Variants in NIT1 observed in about 807,000 individuals in gnomAD.
NIT1 encodes the protein nitrilase 1.
Under a neutral mutation model 36.8 loss-of-function variants are expected in NIT1, and 30 were observed. The observed-to-expected ratio is 0.82, with a 90% confidence interval of 0.61 to 1.11. The LOEUF (loss-of-function observed/expected upper bound fraction) is 1.11. Ranked by LOEUF, NIT1 falls within the 50% of genes least tolerant of loss-of-function variation. The pLI, the probability that NIT1 is intolerant of heterozygous loss-of-function variation, is 0.00. For missense variants in NIT1, 438 were observed against 410.6 expected (o/e 1.07, Z -0.58); for synonymous variants, 151 against 155.6 (o/e 0.97, Z 0.22).
At chr1:161,123,272 T>A (rs766710268), downstream of NIT1, 1 of 1,519,798 alleles carries the variant, frequency 6.6e-7, no homozygotes, top group Admixed American at 1.7e-5. Context: ...AGGCAGAAAT[T>A]CAAACACTTC....
chr1:161,119,379 A>G lies in NIT1; in HGVS notation c.344A>G (p.Gln115Arg), dbSNP rs753514511. 6.2e-7 allele frequency: 1 copy of G among 1,613,862 alleles called. No individual in the cohort carries two copies. Among genetic ancestry groups the G allele is most frequent in the Admixed American group, 1.7e-5 (1 of 60,024 alleles). Residue 115 changes from glutamine (Q) to arginine (R), a missense_variant, in exon 3 of 7, where the codon CAG (glutamine) becomes CGG (arginine). Physicochemically the swap from Gln to Arg is conservative, Grantham distance 43. Transcript: ENST00000368009. ...LGGKLLEEYT[Q>R]LARECGLWLS... ...GGGAAACTTTTGGAAGAATACACCC[A>G]GCTTGCCAGGTATCAGGGAAATAGC...
downstream of NIT1, chr1:161,124,470 G>T (rs1238739809): frequency 6.3e-7 from 1 of 1,593,420 alleles, no homozygotes; most frequent in African/African-American, 1.3e-5. Context: ...CATGCTGGGG[G>T]CTCAGGTACG....
At chr1:161,123,996 G>T (rs1467889410), downstream of NIT1, 2 of 1,600,922 alleles carry the variant, frequency 1.2e-6, no homozygotes, top group South Asian at 2.3e-5. Context: ...CTTCCCTTCT[G>T]TCAGTCCAAA....
chr1:161,124,022 A>G, downstream of NIT1: 1 of 1,586,182 alleles, frequency 6.3e-7, no homozygotes, highest in Non-Finnish European at 8.6e-7. Context: ...AGTGGGCCTC[A>G]CAACTTACTC....
Position 161,118,889 on chromosome 1 carries a change from G to C in NIT1, c.98+8G>C, listed in dbSNP as rs755413086. ...ACTTTGTGCTCAGCCCAGGTAACAC[G>C]TTTTGTTGTGTCCTCAGTGCCTGGC... On this transcript the variant is annotated splice_region_variant and intron_variant, in intron 2 of 6. Coordinates refer to ENST00000368009, the MANE Select transcript of NIT1 (RefSeq NM_005600.3). 1.2e-6 allele frequency: 2 copies of C among 1,600,982 alleles called. No individual in the cohort carries two copies. Among genetic ancestry groups the C allele is most frequent in the Admixed American group, 1.7e-5 (1 of 60,004 alleles).
chr1:161,123,697 A>T, downstream of NIT1: 1 of 696,818 alleles, frequency 1.4e-6, no homozygotes, highest in Non-Finnish European at 2.4e-6. Flanking sequence ...GAGAAATGTC[A>T]CCTCGCCTGA....
chr1:161,121,131 T>G lies in NIT1; in HGVS notation c.*366T>G. On this transcript the variant is annotated 3_prime_UTR_variant, in exon 7 of 7. Coordinates refer to ENST00000368009, the MANE Select transcript of NIT1 (RefSeq NM_005600.3). Reference sequence around the variant, plus strand: ...TGGTATTGTACCAGCTGGACTAAGCTCCAGTTCTAGACCTCCTGGCTCATT... The same window carrying G: ...TGGTATTGTACCAGCTGGACTAAGCGCCAGTTCTAGACCTCCTGGCTCATT... The G allele has an allele frequency of 9.1e-7, 1 of 1,097,204 alleles. No individual in the cohort carries two copies. Among genetic ancestry groups the G allele is most frequent in the South Asian group, 2.5e-5 (1 of 40,030 alleles). 68.0% of individuals were successfully genotyped at this position (1,097,204 alleles called of 1,614,324 possible).
chr1:161,119,676 T>A, intron 4 of NIT1, 64 bp downstream of exon 4: 2 of 1,587,212 alleles, frequency 1.3e-6, no homozygotes, highest in Non-Finnish European at 1.7e-6. Context: ...TCTCCAGAAT[T>A]GTTTCTCAAC....
At chr1:161,119,439 C>G (rs1391763243) in intron 3 of NIT1, 51 bp downstream of exon 3, 1 of 1,613,596 alleles carries the variant, frequency 6.2e-7, no homozygotes, top group Non-Finnish European at 8.5e-7. Context: ...GACAGTGTCC[C>G]TGGGTTGCCA....
intron 2 of NIT1, 78 bp from the exon 3 acceptor site, chr1:161,119,056 T>C (rs1336622691): frequency 6.4e-7 from 1 of 1,558,978 alleles, no homozygotes; most frequent in Non-Finnish European, 8.8e-7. Flanking sequence ...CTTTCCTGCC[T>C]CTCCACTTGC....
At chr1:161,124,457 C>G (rs1460444528), downstream of NIT1, 5 of 1,599,896 alleles carry the variant, frequency 3.1e-6, no homozygotes, top group African/African-American at 5.4e-5. Flanking sequence ...GCTTTAGGCC[C>G]GCCATGCTGG....
At position 161,119,333 on chromosome 1, in the gene NIT1, C is replaced by G. The variant is rs764377826; in HGVS notation, c.298C>G (p.His100Asp). ...TGCACGGGACCCTGCAGAGACGCTACACCTGTCTGAACCACTGGGTGGGAA... is the reference window on the plus strand; with the variant it reads ...TGCACGGGACCCTGCAGAGACGCTAGACCTGTCTGAACCACTGGGTGGGAA... ...FIARDPAETL[H>D]LSEPLGGKLL... The change falls in exon 3 of 7, where the codon CAC becomes GAC. Residue 100 changes from histidine to aspartate, a missense_variant. By Grantham distance (81) the His-to-Asp change is moderately conservative (BLOSUM62 -1). Transcript: ENST00000368009. 1.2e-5 allele frequency: 19 copies of G among 1,614,112 alleles called. No homozygotes were observed. The highest frequency in any genetic ancestry group is 1.5e-5 in the Non-Finnish European group (18 of 1,180,038).
intron 1 of NIT1, chr1:161,118,379 G>C (rs1655059123): frequency 1.3e-5 from 20 of 1,526,616 alleles, no homozygotes; most frequent in Non-Finnish European, 1.7e-5. Context: ...GGAGACGAGA[G>C]AGGGTGAACT....
At chr1:161,120,256 A>AT (rs774643030) in intron 6 of NIT1, 24 bp downstream of exon 6, 6 of 1,612,906 alleles carry the variant, frequency 3.7e-6, no homozygotes, top group African/African-American at 1.3e-5. Context: ...TTTTTAAAAC[A>AT]TAAGGGCCTT....
downstream of NIT1, chr1:161,124,922 C>A: frequency 6.3e-6 from 1 of 158,392 alleles, no homozygotes; most frequent in Non-Finnish European, 1.4e-5. Flanking sequence ...ATAGCAAGAC[C>A]CCATCTCTAC....
intron 4 of NIT1, 44 bp downstream of exon 4, chr1:161,119,656 C>T: frequency 1.6e-6 from 2 of 1,256,816 alleles, no homozygotes; most frequent in Non-Finnish European, 2.3e-6. Context: ...CCATGCTCTT[C>T]TACCTAGATT....
rs1398325258 is a variant in NIT1 at position 161,120,720 on chromosome 1, C to T, written c.939C>T (p.His313=). 3 of 1,613,938 alleles carry T rather than the reference C, an allele frequency of 1.9e-6. No individual in the cohort carries two copies. Among genetic ancestry groups the T allele is most frequent in the Admixed American group, 1.7e-5 (1 of 60,028 alleles). Residue 313 remains histidine (H), a synonymous_variant, in exon 7 of 7, where the codon CAC becomes CAT. Transcript: ENST00000368009. ...GCCGACACCTGCCTGTGTTCCAGCA[C>T]CGCAGGCCTGACCTCTATGGCAATC... ...QLRRHLPVFQ[H]RRPDLYGNLG...
chr1:161,123,110 G>A, downstream of NIT1: 1 of 1,614,198 alleles, frequency 6.2e-7, no homozygotes, highest in Non-Finnish European at 8.5e-7. Context: ...TGGTGTCACT[G>A]ACTTCCGGCG....
At position 161,119,971 on chromosome 1, in the gene NIT1, T is replaced by C; in HGVS notation, c.591+19T>C. 1 of 1,604,786 alleles carries C rather than the reference T, an allele frequency of 6.2e-7. No homozygotes were observed. Among genetic ancestry groups the C allele is most frequent in the Non-Finnish European group, 8.5e-7 (1 of 1,175,320 alleles). On this transcript the variant is annotated intron_variant, in intron 5 of 6. Coordinates refer to ENST00000368009, the MANE Select transcript of NIT1 (RefSeq NM_005600.3). ...AGGCAAGGTAGGAGTTGTGAAAGGA[T>C]GAGGGAGGGGAACAGGAATACTTTG...
Sources: allele counts gnomAD v4.1 joint callset, GRCh38; gene constraint gnomAD v4.1.1; transcripts MANE v1.5; gene names NCBI Gene and HGNC (gene_info 2026-07-23, HGNC 2026-07-21).